The following LRMDA variants were observed in gnomAD, a reference collection of about 807,000 sequenced individuals.
LRMDA encodes leucine-rich melanocyte differentiation-associated protein.
A neutral mutation model predicts 29.8 loss-of-function variants in LRMDA; 18 were observed. The observed-to-expected ratio is 0.60, with a 90% CI of 0.42 to 0.90. The LOEUF is 0.90. LRMDA is among the 40% of genes least tolerant of loss of function. The probability of loss-of-function intolerance (pLI) is 0.00; values close to 1 mark genes in which losing one functional copy is unlikely to be tolerated. For missense variants in LRMDA, 273 were observed against 273.9 expected (o/e 1.00, Z 0.02); for synonymous variants, 125 against 109.4 (o/e 1.14, Z -0.89).
intron 2 of LRMDA, among the ~76,000 whole-genome samples, chr10:75,638,081 C>T (rs1841410191): frequency 6.6e-6 from 1 of 151,962 alleles, no homozygotes; most frequent in African/African-American, 2.4e-5. Context: ...ACTATTTTTC[C>T]AAGTAAGATT....
At position 75,612,287 on chromosome 10, in the gene LRMDA, C is replaced by T. The variant is rs781318171; in HGVS notation, c.131+173793C>T. Among the ~76,000 whole-genome samples, 5 of 152,236 alleles carry T rather than the reference C, an allele frequency of 3.3e-5. No individual in the cohort carries two copies. In the South Asian group the frequency reaches 1.0e-3, roughly 32 times the overall value. ...GAATGTGCTCTGAACCGTGCTGGGC[C>T]CTTTAGCCTACCTCTTTTAATAAAC... On this transcript the variant is annotated intron_variant, in intron 2 of 6. Transcript: ENST00000611255.
chr10:76,533,929 A>C (rs1843264057), intron 6 of LRMDA, among the ~76,000 whole-genome samples: 1 of 152,164 alleles, frequency 6.6e-6, no homozygotes, highest in Non-Finnish European at 1.5e-5. Flanking sequence ...CTCTTAAGTG[A>C]CTGCAGTAGA....
chr10:76,227,261 A>G (rs1851976166), intron 5 of LRMDA, among the ~76,000 whole-genome samples: 1 of 152,254 alleles, frequency 6.6e-6, no homozygotes, highest in Non-Finnish European at 1.5e-5. Flanking sequence ...ATATCAGTAA[A>G]TATATCGGTA....
At chr10:76,137,488 A>T (rs1850116948) in intron 5 of LRMDA, among the ~76,000 whole-genome samples, 1 of 152,186 alleles carries the variant, frequency 6.6e-6, no homozygotes, top group Non-Finnish European at 1.5e-5. Flanking sequence ...AACTTAAGGT[A>T]GATGGAATTT....
intron 2 of LRMDA, among the ~76,000 whole-genome samples, chr10:75,578,226 A>AC: frequency 6.9e-6 from 1 of 144,100 alleles, no homozygotes. Flanking sequence ...AAAAAAAAAA[A>AC]AAAAAAAAAA....
chr10:75,757,698 A>G (rs548268438), intron 2 of LRMDA, among the ~76,000 whole-genome samples: 1 of 152,324 alleles, frequency 6.6e-6, no homozygotes, highest in African/African-American at 2.4e-5. Context: ...TGACTGAGAC[A>G]CAATAAGTGC....
intron 1 of LRMDA, among the ~76,000 whole-genome samples, chr10:75,435,104 T>C (rs1844249345): frequency 6.6e-6 from 1 of 152,212 alleles, no homozygotes; most frequent in Non-Finnish European, 1.5e-5. Flanking sequence ...AGGGTACAAA[T>C]TATAGAAAAT....
intron 2 of LRMDA, among the ~76,000 whole-genome samples, chr10:75,829,607 C>T (rs1844304556): frequency 1.3e-5 from 2 of 151,946 alleles, no homozygotes; most frequent in Middle Eastern, 6.8e-3. Context: ...CCTGTTTTTT[C>T]CCTTAGAATA....
At chr10:76,349,948 A>G (rs890755922) in intron 6 of LRMDA, among the ~76,000 whole-genome samples, 5 of 152,120 alleles carry the variant, frequency 3.3e-5, no homozygotes, top group Non-Finnish European at 5.9e-5. Flanking sequence ...AAACAACCCA[A>G]AATGATTCAT....
chr10:75,661,689 A>G (rs907385235), intron 2 of LRMDA, among the ~76,000 whole-genome samples: 1 of 152,192 alleles, frequency 6.6e-6, no homozygotes, highest in Non-Finnish European at 1.5e-5. Context: ...ATACACATGA[A>G]CAAGTGTGGC....
At chr10:75,985,366 G>A (rs1347133290) in intron 2 of LRMDA, among the ~76,000 whole-genome samples, 2 of 152,170 alleles carry the variant, frequency 1.3e-5, no homozygotes, top group Non-Finnish European at 2.9e-5. Flanking sequence ...ACTGAGGAGT[G>A]GATAAGACTC....
At chr10:76,016,833 C>A (rs922593809) in intron 2 of LRMDA, among the ~76,000 whole-genome samples, 1 of 152,216 alleles carries the variant, frequency 6.6e-6, no homozygotes, top group Non-Finnish European at 1.5e-5. Context: ...CATCAGTGCT[C>A]AGGGTCCTCA....
At chr10:76,404,580 G>A (rs540484861) in intron 6 of LRMDA, among the ~76,000 whole-genome samples, 1 of 152,266 alleles carries the variant, frequency 6.6e-6, no homozygotes, top group South Asian at 2.1e-4. Context: ...CACACTGGGT[G>A]TGTTCCCTGC....
intron 2 of LRMDA, among the ~76,000 whole-genome samples, chr10:75,774,138 A>G (rs1329615640): frequency 6.6e-6 from 1 of 152,246 alleles, no homozygotes; most frequent in Non-Finnish European, 1.5e-5. Flanking sequence ...TTCTTTAAAT[A>G]GTTTAAGGAG....
At chr10:75,855,254 G>A (rs1417342109) in intron 2 of LRMDA, among the ~76,000 whole-genome samples, 1 of 151,900 alleles carries the variant, frequency 6.6e-6, no homozygotes, top group Non-Finnish European at 1.5e-5. Context: ...TTTAATGATC[G>A]ACATTCGAAC....
At chr10:75,847,386 A>G (rs1006702911) in intron 2 of LRMDA, among the ~76,000 whole-genome samples, 3 of 149,142 alleles carry the variant, frequency 2.0e-5, no homozygotes, top group Admixed American at 1.4e-4. Flanking sequence ...TATTACTCTT[A>G]GGGTCTAAAA....
chr10:75,600,612 TA>T (rs1840871219), intron 2 of LRMDA, among the ~76,000 whole-genome samples: 1 of 152,190 alleles, frequency 6.6e-6, no homozygotes, highest in Non-Finnish European at 1.5e-5. Flanking sequence ...CTTCTGGGGC[TA>T]AAGTTCCCAG....
At chr10:76,029,023 G>T (rs1269813736) in intron 2 of LRMDA, among the ~76,000 whole-genome samples, 1 of 151,988 alleles carries the variant, frequency 6.6e-6, no homozygotes, top group African/African-American at 2.4e-5. Flanking sequence ...CACCATGTTG[G>T]CCAGGATGGT....
At chr10:75,480,559 A>G (rs1844844647) in intron 2 of LRMDA, among the ~76,000 whole-genome samples, 2 of 152,246 alleles carry the variant, frequency 1.3e-5, no homozygotes. Context: ...GACAATGAAC[A>G]AGTGTATTCA....
Sources: gnomAD v4.1 joint callset for allele counts (sites outside exome capture counted in the v4.1 genomes callset) on GRCh38, gnomAD v4.1.1 for gene constraint, MANE v1.5 for transcripts, NCBI Gene and HGNC (gene_info 2026-07-23, HGNC 2026-07-21) for gene names.